Variants in TNRC6B observed in about 807,000 individuals in gnomAD.
TNRC6B encodes trinucleotide repeat-containing gene 6B protein.
Under a neutral mutation model 203.6 loss-of-function variants are expected in TNRC6B, and 52 were observed. The observed-to-expected ratio is 0.26, with a 90% CI of 0.20 to 0.32. The LOEUF (loss-of-function observed/expected upper bound fraction) is 0.32. TNRC6B is among the 10% of genes least tolerant of loss of function. TNRC6B has a pLI of 1.00. For missense variants in TNRC6B, 1,923 were observed against 2,286.2 expected (o/e 0.84, Z 3.24); for synonymous variants, 838 against 845.7 (o/e 0.99, Z 0.16).
rs549527925 is a variant in TNRC6B, at chr22:40,098,791, G to C, written c.-120-18264G>C. ...CACCCATACTGGAGTGCAGTGGTAT[G>C]ATCATAGCTCACTGCAATCTCGAAC... is the stretch of plus-strand genomic sequence containing the variant. On this transcript the variant is annotated intron_variant, in intron 1 of 23. Coordinates refer to the TNRC6B transcript ENST00000301923. Among the ~76,000 whole-genome samples, 6 of 152,112 alleles carry C rather than the reference G, an allele frequency of 3.9e-5. No individual in the cohort carries two copies. In the South Asian group the frequency reaches 1.2e-3, roughly 32 times the overall value.
intron 1 of TNRC6B, among the ~76,000 whole-genome samples, chr22:40,068,640 A>G (rs2067918534): frequency 6.6e-6 from 1 of 151,520 alleles, no homozygotes; most frequent in African/African-American, 2.4e-5. Flanking sequence ...CTTTATCTGG[A>G]TGTTCTTGTT....
intron 1 of TNRC6B, among the ~76,000 whole-genome samples, chr22:40,060,645 A>G (rs1444146026): frequency 6.6e-6 from 1 of 152,212 alleles, no homozygotes; most frequent in Non-Finnish European, 1.5e-5. Context: ...CATGACTAAG[A>G]TTTATTTCAG....
At chr22:40,139,318 T>C (rs1326618019) in intron 3 of TNRC6B, among the ~76,000 whole-genome samples, 1 of 148,466 alleles carries the variant, frequency 6.7e-6, no homozygotes, top group African/African-American at 2.5e-5. Context: ...ATTGCATGGG[T>C]GTACGCATTT....
intron 19 of TNRC6B, among the ~76,000 whole-genome samples, chr22:40,313,432 G>GAA (rs796669182): frequency 2.2e-5 from 3 of 138,496 alleles, no homozygotes; most frequent in Admixed American, 7.1e-5. Context: ...ATGGCCAAAG[G>GAA]AAAAAAAAAA....
chr22:40,177,826 C>T (rs1371022491), upstream of TNRC6B: 3 of 1,300,808 alleles, frequency 2.3e-6, no homozygotes, highest in East Asian at 8.8e-5. Flanking sequence ...CCCTTTAAGG[C>T]AGTCTCAGCT....
At chr22:40,208,564 A>G (rs2069517385) in intron 1 of TNRC6B, among the ~76,000 whole-genome samples, 1 of 152,218 alleles carries the variant, frequency 6.6e-6, no homozygotes, top group Non-Finnish European at 1.5e-5. Flanking sequence ...TGTTTAGGTT[A>G]CCAAGCATGG....
intron 3 of TNRC6B, among the ~76,000 whole-genome samples, chr22:40,135,642 C>A (rs1305421206): frequency 5.3e-5 from 8 of 152,210 alleles, no homozygotes; most frequent in Non-Finnish European, 1.0e-4. Context: ...GCTGAGACTA[C>A]AGGTGTGCCA....
At chr22:40,188,085 T>C (rs984902380) in intron 1 of TNRC6B, among the ~76,000 whole-genome samples, 2 of 152,116 alleles carry the variant, frequency 1.3e-5, no homozygotes, top group African/African-American at 2.4e-5. Context: ...GCTGGGCGCC[T>C]GTAATCCCAG....
intron 3 of TNRC6B, among the ~76,000 whole-genome samples, chr22:40,153,766 TGG>T (rs2068783522): frequency 6.6e-6 from 1 of 151,546 alleles, no homozygotes; most frequent in Non-Finnish European, 1.5e-5. Context: ...GTTGTGAGGG[TGG>T]GGCAGGGGTG....
Position 40,265,995 on chromosome 22 carries a change from G to C in TNRC6B, c.1765G>C (p.Gly589Arg). Residue 589 changes from glycine to arginine, a missense_variant, in exon 5 of 23, where the codon GGC (glycine) becomes CGC (arginine). Gly to Arg is a moderately radical substitution (Grantham distance 125). Around this residue, in one of 8 missense-constraint regions of TNRC6B, gnomAD observed 614 missense variants for 587.7 expected, o/e 1.04. Coordinates refer to ENST00000454349, the MANE Select transcript of TNRC6B (RefSeq NM_001162501.2). ...KAGSSDSHNS[G>R]RRSYRPTHPD... is the part of the protein sequence containing the mutation. ...AGGAAGTAGTGACAGTCATAACTCT[G>C]GCCGTCGGTCGTACAGGCCCACACA... 6.2e-7 allele frequency: 1 copy of C among 1,613,922 alleles called. No homozygotes were observed. The highest frequency in any genetic ancestry group is 8.5e-7 in the Non-Finnish European group (1 of 1,179,906).
At chr22:40,118,724 C>G (rs2206358) in intron 2 of TNRC6B, among the ~76,000 whole-genome samples, 1 of 152,170 alleles carries the variant, frequency 6.6e-6, no homozygotes, top group Non-Finnish European at 1.5e-5. Context: ...GGTTGACAGT[C>G]TAATCCTTAT....
chr22:40,127,041 TAATCCTATATATA>T (rs560569748), intron 3 of TNRC6B, among the ~76,000 whole-genome samples: 346 of 149,154 alleles, frequency 2.3e-3, no homozygotes, highest in African/African-American at 8.0e-3. Flanking sequence ...AAATATATAT[TAATCCTATATATA>T]AATCCTATAT....
rs58332939 is a variant in TNRC6B, at chr22:40,125,012, C to CA, written c.-46-746dup. Among the ~76,000 whole-genome samples, 648 of 115,866 alleles carry CA rather than the reference C, an allele frequency of 5.6e-3. 1 individual carries two copies. The highest frequency in any genetic ancestry group is 0.011 in the African/African-American group (372 of 34,374). 76.0% of individuals were successfully genotyped at this position (115,866 alleles called of 152,430 possible). ...TGGGCGACACAGCAAGACTGTGTCT[C>CA]AAAAAAAAAAAAAATATTCCTCAAT... On this transcript the variant is annotated intron_variant, in intron 2 of 23. Coordinates refer to the TNRC6B transcript ENST00000301923.
intron 1 of TNRC6B, among the ~76,000 whole-genome samples, chr22:40,192,658 A>C (rs2069288970): frequency 6.6e-6 from 1 of 151,738 alleles, no homozygotes; most frequent in African/African-American, 2.4e-5. Flanking sequence ...CTCCTTCCGA[A>C]GTGGGATGAG....
chr22:40,206,420 A>G (rs578063324), intron 1 of TNRC6B, among the ~76,000 whole-genome samples: 170 of 152,304 alleles, frequency 1.1e-3, no homozygotes, highest in African/African-American at 3.9e-3. Flanking sequence ...ATGTAAAATT[A>G]TATCAGAAGA....
At chr22:40,322,399 G>A (rs747340317) in intron 22 of TNRC6B, among the ~76,000 whole-genome samples, 9 of 152,058 alleles carry the variant, frequency 5.9e-5, no homozygotes, top group Non-Finnish European at 1.2e-4. Flanking sequence ...GAGTTCACTC[G>A]GCCTTGTACA....
chr22:40,226,885 G>A (rs1259531662), intron 1 of TNRC6B, among the ~76,000 whole-genome samples: 4 of 151,986 alleles, frequency 2.6e-5, no homozygotes, highest in Non-Finnish European at 5.9e-5. Context: ...GTGTTGAGAG[G>A]CAGGAGGCCT....
intron 13 of TNRC6B, 106 bp downstream of exon 13, chr22:40,300,692 G>T: frequency 7.0e-7 from 1 of 1,421,844 alleles, no homozygotes; most frequent in Non-Finnish European, 9.4e-7. Flanking sequence ...TGTTCAAAGG[G>T]TGCTAGTCCA....
At chr22:40,203,142 A>C (rs1324257432) in intron 1 of TNRC6B, among the ~76,000 whole-genome samples, 1 of 152,134 alleles carries the variant, frequency 6.6e-6, no homozygotes, top group African/African-American at 2.4e-5. Flanking sequence ...ATTGGTGATC[A>C]CATGTTGGTG....
Sources: gnomAD v4.1 joint callset for allele counts (sites outside exome capture counted in the v4.1 genomes callset) on GRCh38, gnomAD v4.1.1 for gene constraint, gnomAD v4.1.1 regional missense constraint, MANE v1.5 for transcripts, NCBI Gene and HGNC (gene_info 2026-07-23, HGNC 2026-07-21) for gene names.